The following RABEPK variants were observed in gnomAD, a reference collection of about 807,000 sequenced individuals.
RABEPK encodes the protein Rab9 effector protein with kelch motifs, also known as 40 kDa Rab9 effector protein.
A neutral mutation model predicts 34.1 loss-of-function variants in RABEPK; 27 were observed. The ratio of observed to expected loss-of-function variants is 0.79; its 90% CI spans 0.58 to 1.09. The LOEUF (loss-of-function observed/expected upper bound fraction) is 1.09, where lower values mean the gene tolerates loss of function less well. Among genes scored for constraint, RABEPK ranks in the 50% least tolerant of loss-of-function variants. The probability of loss-of-function intolerance (pLI) is 0.00; values close to 1 mark genes in which losing one functional copy is unlikely to be tolerated. For missense variants in RABEPK, 449 were observed against 462.6 expected (o/e 0.97, Z 0.27); for synonymous variants, 172 against 169.2 (o/e 1.02, Z -0.13).
Position 125,220,572 on chromosome 9 carries a change from G to GC in RABEPK, c.404dup (p.Pro136ThrfsTer39), listed in dbSNP as rs546948946. 16 of 1,614,064 alleles carry GC rather than the reference G, an allele frequency of 9.9e-6. No individual in the cohort carries two copies. Among genetic ancestry groups the GC allele is most frequent in the Non-Finnish European group, 1.4e-5 (16 of 1,179,976 alleles). ...ACGTGGACCACGCCAGAAGTGACCA[G>GC]CCCCCCACCATCCCCAAGAACATTC... is the stretch of plus-strand genomic sequence containing the variant. On this transcript the variant is annotated frameshift_variant, in exon 5 of 8. Transcript: ENST00000373538. LOFTEE classifies it high-confidence loss of function.
At chr9:125,203,550 A>G (rs1830033281) in intron 2 of RABEPK, among the ~76,000 whole-genome samples, 1 of 152,204 alleles carries the variant, frequency 6.6e-6, no homozygotes, top group South Asian at 2.1e-4. Context: ...TGGTGATAAA[A>G]TGTGATCTGC....
chr9:125,232,051 C>T (rs1442773674), intron 6 of RABEPK, among the ~76,000 whole-genome samples: 1 of 151,710 alleles, frequency 6.6e-6, no homozygotes, highest in Admixed American at 6.6e-5. Flanking sequence ...AGGCATGCAC[C>T]ACCATGCCTG....
chr9:125,206,101 T>A (rs1830208044), intron 2 of RABEPK, among the ~76,000 whole-genome samples: 8 of 151,320 alleles, frequency 5.3e-5, no homozygotes, highest in Admixed American at 5.3e-4. Flanking sequence ...AGGTCAGGAG[T>A]CTCAAACACC....
chr9:125,220,158 C>G (rs756998296), intron 4 of RABEPK, among the ~76,000 whole-genome samples: 2 of 152,008 alleles, frequency 1.3e-5, no homozygotes, highest in Non-Finnish European at 2.9e-5. Flanking sequence ...ACCACCATAC[C>G]CGGCTAATTT....
In RABEPK at chr9:125,220,667, G is replaced by A. The variant is rs201854182; in HGVS notation, c.493G>A (p.Val165Met). The A allele has an allele frequency of 1.1e-4, 174 of 1,614,186 alleles. 4 individuals are homozygous for A. The South Asian group carries it at 1.1e-3, about 10-fold the overall frequency. ...GGGCGGAGAGAGAGGTGCCCAGCCC[G>A]TGCAGGACACGAAGCTGCATGTGTT... ...FGGGERGAQP[V>M]QDTKLHVFDA... Residue 165 changes from valine to methionine, a missense_variant, in exon 5 of 8, where the codon GTG (valine) becomes ATG (methionine). Val to Met is a conservative substitution (Grantham distance 21). Transcript: ENST00000373538.
Position 125,220,654 on chromosome 9 carries a change from A to G in RABEPK, c.480A>G (p.Arg160=), listed in dbSNP as rs757081507. The G allele has an allele frequency of 5.0e-6, 8 of 1,614,174 alleles. No homozygotes were observed. The highest frequency in any genetic ancestry group is 6.8e-6 in the Non-Finnish European group (8 of 1,180,032). Residue 160 remains arginine (R), a synonymous_variant, in exon 5 of 8, where the codon AGA becomes AGG. Transcript: ENST00000373538. ...NQLYVFGGGE[R]GAQPVQDTKL... is the part of the protein sequence containing the mutation. Reference sequence around the variant, plus strand: ...TATATGTCTTTGGGGGCGGAGAGAGAGGTGCCCAGCCCGTGCAGGACACGA... The same window carrying G: ...TATATGTCTTTGGGGGCGGAGAGAGGGGTGCCCAGCCCGTGCAGGACACGA...
intron 5 of RABEPK, among the ~76,000 whole-genome samples, chr9:125,223,147 G>C (rs1426806546): frequency 1.3e-5 from 2 of 152,186 alleles, no homozygotes; most frequent in African/African-American, 2.4e-5. Context: ...AGGAATGGTG[G>C]CGGGCGCCTA....
chr9:125,208,792 C>T (rs531053466), intron 3 of RABEPK, among the ~76,000 whole-genome samples: 62 of 152,236 alleles, frequency 4.1e-4, no homozygotes, highest in African/African-American at 1.5e-3. Context: ...TTCTTGGCCT[C>T]CCAAAGTGCT....
chr9:125,217,593 C>A (rs1287216848), intron 4 of RABEPK, among the ~76,000 whole-genome samples: 3 of 152,072 alleles, frequency 2.0e-5, no homozygotes, highest in African/African-American at 4.8e-5. Context: ...GGGTGATTTT[C>A]TATCATATCC....
intron 6 of RABEPK, among the ~76,000 whole-genome samples, chr9:125,230,904 T>TA (rs949941530): frequency 1.3e-5 from 2 of 152,162 alleles, no homozygotes. Context: ...TGCTTATTTT[T>TA]AAAAAGAGCC....
At chr9:125,211,975 A>C (rs573402646) in intron 3 of RABEPK, among the ~76,000 whole-genome samples, 1 of 152,316 alleles carries the variant, frequency 6.6e-6, no homozygotes, top group Admixed American at 6.5e-5. Context: ...TCTCAAAAAA[A>C]AAAAAAATTC....
chr9:125,202,889 TTCAAA>T, intron 1 of RABEPK, 114 bp from the exon 2 acceptor site: 1 of 512,850 alleles, frequency 1.9e-6, no homozygotes, highest in Non-Finnish European at 3.5e-6. Context: ...GTGATTCTTA[TTCAAA>T]TCAATCAGGC....
chr9:125,210,335 C>T (rs1287990445), intron 3 of RABEPK, among the ~76,000 whole-genome samples: 1 of 138,222 alleles, frequency 7.2e-6, no homozygotes, highest in Admixed American at 8.2e-5. Context: ...ATCCGGGAGG[C>T]GGAGCTTGCA....
chr9:125,228,170 T>C lies in RABEPK; in HGVS notation c.676+111T>C, dbSNP rs191855587. The stretch of plus-strand genomic sequence containing the variant: ...CAGGCTGGAGTGCGGTGGCATGATC[T>C]CAGTAGCCTCAGCCTCCAGGACTCA... On this transcript the variant is annotated intron_variant, in intron 6 of 7. Transcript: ENST00000373538. The C allele has an allele frequency of 2.2e-3, 2,066 of 937,116 alleles. 2 individuals are homozygous for C. The highest frequency in any genetic ancestry group is 2.6e-3 in the Non-Finnish European group (1,839 of 695,618). The allele number at this position is 937,116 out of a possible 1,614,324, so 58.1% of individuals were successfully genotyped here. A position where few individuals can be genotyped will look rare whatever the true frequency, so the allele number is the denominator to read the frequency against.
chr9:125,228,485 CG>C (rs1042688257), intron 6 of RABEPK, among the ~76,000 whole-genome samples: 14 of 151,588 alleles, frequency 9.2e-5, no homozygotes, highest in African/African-American at 3.4e-4. Context: ...GGTGAAACCC[CG>C]TGTCTACTAA....
At chr9:125,212,036 C>G (rs968098276) in intron 3 of RABEPK, among the ~76,000 whole-genome samples, 1 of 152,046 alleles carries the variant, frequency 6.6e-6, no homozygotes, top group Non-Finnish European at 1.5e-5. Context: ...ATTAGTTCAA[C>G]TTACATCTTT....
Position 125,202,047 on chromosome 9 carries a change from C to A in RABEPK, c.-6-961C>A, listed in dbSNP as rs186742674. On this transcript the variant is annotated intron_variant, in intron 1 of 7. Coordinates refer to ENST00000373538, the MANE Select transcript of RABEPK (RefSeq NM_005833.4). Reference sequence around the variant, plus strand: ...CGAACATAGTGAAACCCCATCCCTACGAAAAATACAAAAAAAATTAGCCAG... The same window carrying A: ...CGAACATAGTGAAACCCCATCCCTAAGAAAAATACAAAAAAAATTAGCCAG... 1.5e-3 allele frequency among the ~76,000 whole-genome samples: 230 copies of A among 150,454 alleles called. 1 individual carries two copies. Among genetic ancestry groups the A allele is most frequent in the African/African-American group, 5.5e-3 (224 of 41,004 alleles).
chr9:125,218,321 CAAAAAAAAAAA>C (rs71374234), intron 4 of RABEPK, among the ~76,000 whole-genome samples: 4 of 41,150 alleles, frequency 9.7e-5, no homozygotes, highest in Non-Finnish European at 1.3e-4. Context: ...GACTCCGTCT[CAAAAAAAAAAA>C]AAAAAAAAAA....
At chr9:125,203,844 C>T (rs1188716080) in intron 2 of RABEPK, among the ~76,000 whole-genome samples, 1 of 149,236 alleles carries the variant, frequency 6.7e-6, no homozygotes, top group Non-Finnish European at 1.5e-5. Context: ...ACCAGCCTGA[C>T]CAATATGGTG....
Sources: allele counts gnomAD v4.1 joint callset (sites outside exome capture counted in the v4.1 genomes callset), GRCh38; gene constraint gnomAD v4.1.1; transcripts MANE v1.5; gene names NCBI Gene and HGNC (gene_info 2026-07-23, HGNC 2026-07-21).